The following ULK4 variants were observed in gnomAD, a reference collection of about 807,000 sequenced individuals.
ULK4 encodes inactive serine/threonine-protein kinase ULK4.
In ULK4, 133 loss-of-function variants were observed where a neutral mutation model predicts 160.6. The observed-to-expected ratio is 0.83, with a 90% CI of 0.72 to 0.96. The LOEUF is 0.96. Ranked by LOEUF, ULK4 falls within the 40% of genes least tolerant of loss-of-function variation. ULK4 has a pLI of 0.00. For synonymous variants in ULK4, 534 were observed against 539.8 expected, an observed-to-expected ratio of 0.99 and a Z score of 0.15; for missense variants, 1,580 against 1,499.5, an observed-to-expected ratio of 1.05 and a Z score of -0.89.
At chr3:41,308,639 G>A (rs150003025) in intron 35 of ULK4, among the ~76,000 whole-genome samples, 27 of 152,260 alleles carry the variant, frequency 1.8e-4, no homozygotes, top group Middle Eastern at 6.8e-3. Flanking sequence ...GAGAGATCAA[G>A]TAAGTCAGAA....
chr3:41,920,167 T>C (rs553512180), intron 5 of ULK4, among the ~76,000 whole-genome samples: 1 of 152,276 alleles, frequency 6.6e-6, no homozygotes, highest in African/African-American at 2.4e-5. Flanking sequence ...ACTAAACATG[T>C]CCACAACAAA....
intron 20 of ULK4, among the ~76,000 whole-genome samples, chr3:41,799,101 T>C (rs1559560535): frequency 6.6e-6 from 1 of 151,818 alleles, no homozygotes; most frequent in South Asian, 2.1e-4. Context: ...AAATGAGGGG[T>C]TGAGGGCATA....
At chr3:41,605,101 C>T (rs1559427336) in intron 31 of ULK4, among the ~76,000 whole-genome samples, 1 of 151,596 alleles carries the variant, frequency 6.6e-6, no homozygotes, top group East Asian at 1.9e-4. Flanking sequence ...ACTTATATGA[C>T]ACTAAGTAGA....
At chr3:41,525,223 G>A (rs2086072556) in intron 32 of ULK4, among the ~76,000 whole-genome samples, 1 of 152,112 alleles carries the variant, frequency 6.6e-6, no homozygotes, top group Admixed American at 6.6e-5. Context: ...ACCTCAGTAA[G>A]GCTAAAATCC....
chr3:41,612,087 C>T (rs2032708315), intron 31 of ULK4, among the ~76,000 whole-genome samples: 1 of 152,120 alleles, frequency 6.6e-6, no homozygotes, highest in South Asian at 2.1e-4. Context: ...ACAGCATTTA[C>T]ATTGCATTAG....
intron 8 of ULK4, chr3:41,914,871 A>G (rs1441228444): frequency 6.6e-6 from 1 of 152,144 alleles, no homozygotes; most frequent in Non-Finnish European, 1.5e-5. Flanking sequence ...CACAAAAATT[A>G]GCTGAGGATG....
chr3:41,259,371 A>G (rs570551063), intron 35 of ULK4, among the ~76,000 whole-genome samples: 1 of 152,286 alleles, frequency 6.6e-6, no homozygotes, highest in East Asian at 1.9e-4. Context: ...AGCTTCCCCA[A>G]ATACAAACTA....
chr3:41,704,576 GC>G (rs1386943281), intron 27 of ULK4, among the ~76,000 whole-genome samples: 2 of 152,102 alleles, frequency 1.3e-5, no homozygotes, highest in Non-Finnish European at 2.9e-5. Flanking sequence ...GAGCAATTTT[GC>G]CACCCAGAGG....
At chr3:41,896,318 G>C (rs1451317719) in intron 15 of ULK4, among the ~76,000 whole-genome samples, 1 of 151,928 alleles carries the variant, frequency 6.6e-6, no homozygotes. Context: ...GCTGTGGTGC[G>C]ATCTCAGCTC....
At chr3:41,862,797 C>A (rs555150391) in intron 17 of ULK4, among the ~76,000 whole-genome samples, 29 of 151,090 alleles carry the variant, frequency 1.9e-4, no homozygotes, top group African/African-American at 5.6e-4. Flanking sequence ...GCTCCCCCCC[C>A]CCTTTCTCTC....
chr3:41,750,914 C>T (rs1187477314), intron 22 of ULK4, among the ~76,000 whole-genome samples: 2 of 149,308 alleles, frequency 1.3e-5, no homozygotes, highest in African/African-American at 2.5e-5. Flanking sequence ...TGCTTGAACC[C>T]GGGAGGCGGA....
chr3:41,291,268 G>C (rs186361832), intron 35 of ULK4, among the ~76,000 whole-genome samples: 166 of 151,166 alleles, frequency 1.1e-3, no homozygotes, highest in African/African-American at 3.9e-3. Flanking sequence ...TAATAGGAGA[G>C]TGAGAGAGGG....
At chr3:41,338,455 T>C (rs1457719175) in intron 35 of ULK4, among the ~76,000 whole-genome samples, 2 of 152,220 alleles carry the variant, frequency 1.3e-5, no homozygotes, top group South Asian at 2.1e-4. Flanking sequence ...GCCTTACCCA[T>C]GAGTAGCTCT....
chr3:41,647,211 T>C (rs1047310102), intron 30 of ULK4, among the ~76,000 whole-genome samples: 11 of 152,252 alleles, frequency 7.2e-5, no homozygotes, highest in Non-Finnish European at 1.3e-4. Context: ...TCATTCTCCA[T>C]CCAGCTTTGT....
At chr3:41,850,647 T>G (rs1340529053) in intron 17 of ULK4, among the ~76,000 whole-genome samples, 2 of 26,392 alleles carry the variant, frequency 7.6e-5, no homozygotes, top group East Asian at 1.5e-3. Context: ...TTGCCCACTT[T>G]TTGATGGGGT....
chr3:41,776,459 C>T (rs7631057), intron 21 of ULK4, among the ~76,000 whole-genome samples: 47,746 of 149,914 alleles, frequency 0.32, 12,140 homozygotes, highest in African/African-American at 0.68. Flanking sequence ...CAAATGTCAA[C>T]AAAAAAACTA....
At chr3:41,885,003 T>A (rs1452372922) in intron 16 of ULK4, among the ~76,000 whole-genome samples, 2 of 152,300 alleles carry the variant, frequency 1.3e-5, no homozygotes, top group African/African-American at 4.8e-5. Flanking sequence ...ACTGTAGGCA[T>A]GCACCACCAC....
chr3:41,381,521 G>C (rs777830493), intron 35 of ULK4, among the ~76,000 whole-genome samples: 1 of 152,162 alleles, frequency 6.6e-6, no homozygotes, highest in Non-Finnish European at 1.5e-5. Flanking sequence ...TACAGTTTTA[G>C]CCATCTCAGT....
intron 35 of ULK4, among the ~76,000 whole-genome samples, chr3:41,385,062 A>T (rs1419837207): frequency 6.6e-6 from 1 of 152,110 alleles, no homozygotes; most frequent in Non-Finnish European, 1.5e-5. Flanking sequence ...AAAAAATAAA[A>T]AAAAAAGTAT....
Sources: gnomAD v4.1 joint callset for allele counts (sites outside exome capture counted in the v4.1 genomes callset) on GRCh38, gnomAD v4.1.1 for gene constraint, MANE v1.5 for transcripts, NCBI Gene and HGNC (gene_info 2026-07-23, HGNC 2026-07-21) for gene names.